The following XRN1 variants were observed in gnomAD, a reference collection of about 807,000 sequenced individuals.
XRN1 encodes 5'-3' exoribonuclease 1.
A neutral mutation model predicts 222.3 loss-of-function variants in XRN1; 67 were observed. The ratio of observed to expected loss-of-function variants is 0.30; its 90% CI spans 0.25 to 0.37. XRN1 has a LOEUF of 0.37. Ranked by LOEUF, XRN1 falls within the 10% of genes least tolerant of loss-of-function variation. The probability of loss-of-function intolerance (pLI) is 1.00; values close to 1 mark genes in which losing one functional copy is unlikely to be tolerated. For missense variants in XRN1, 1,707 were observed against 2,000.2 expected, an observed-to-expected ratio of 0.85 and a Z score of 2.80; for synonymous variants, 643 against 652.4, an observed-to-expected ratio of 0.99 and a Z score of 0.22.
In XRN1 at chr3:142,447,489, GGAACCTACGAGGA is replaced by G. The variant is rs2070570778; in HGVS notation, c.75+368_75+380del. 1.3e-5 allele frequency among the ~76,000 whole-genome samples: 2 copies of G among 152,174 alleles called. No homozygotes were observed. The highest frequency in any genetic ancestry group is 4.8e-5 in the African/African-American group (2 of 41,448). ...GGTCTGCCGCTCTGGGTGGGATGGG[GGAACCTACGAGGA>G]CACCCACTCCAGCTTCGCAGCCTCT... On this transcript the variant is annotated intron_variant, in intron 1 of 40. Coordinates refer to ENST00000392981, the MANE Select transcript of XRN1 (RefSeq NM_001282857.2). The surrounding 1 kb of genome is among the most constrained non-coding windows in gnomAD (Gnocchi z 4.2).
chr3:142,436,744 TATC>T (rs1369764132), intron 1 of XRN1, among the ~76,000 whole-genome samples: 7 of 152,178 alleles, frequency 4.6e-5, no homozygotes, highest in Admixed American at 4.6e-4. Context: ...GCATAATATA[TATC>T]ATCAAGTGAC....
Position 142,360,597 on chromosome 3 carries a change from G to A in XRN1, c.3395-666C>T, listed in dbSNP as rs573151627. The stretch of plus-strand genomic sequence containing the variant: ...CAGTCTTACTGGGCTGGGTGCAGTG[G>A]CTCACGCCTGTAATCCCAGCACTTT... On this transcript the variant is annotated intron_variant, in intron 29 of 40. Coordinates refer to ENST00000392981, the MANE Select transcript of XRN1 (RefSeq NM_001282857.2). 2.0e-5 allele frequency among the ~76,000 whole-genome samples: 3 copies of A among 152,092 alleles called. No individual in the cohort carries two copies. In the South Asian group the frequency reaches 6.2e-4, roughly 32 times the overall value.
chr3:142,377,551 T>G (rs897509169), intron 23 of XRN1, among the ~76,000 whole-genome samples: 1 of 152,196 alleles, frequency 6.6e-6, no homozygotes, highest in Admixed American at 6.5e-5. Flanking sequence ...AGATGCCAAC[T>G]GTCCTGCCAT....
intron 20 of XRN1, among the ~76,000 whole-genome samples, chr3:142,391,996 T>C (rs1039195212): frequency 1.3e-5 from 2 of 152,042 alleles, no homozygotes; most frequent in Non-Finnish European, 2.9e-5. Context: ...AGTACTTCCT[T>C]GCCCCCTTTT....
At chr3:142,423,505 G>T in intron 6 of XRN1, 55 bp downstream of exon 6, 1 of 1,408,546 alleles carries the variant, frequency 7.1e-7, no homozygotes. Flanking sequence ...ATCTGTTAAA[G>T]AATTACTATC....
intron 15 of XRN1, among the ~76,000 whole-genome samples, chr3:142,411,294 A>G (rs189305322): frequency 2.5e-4 from 38 of 152,250 alleles, no homozygotes; most frequent in East Asian, 2.3e-3. Context: ...TCAAAGAACC[A>G]ACTTTTGATG....
At chr3:142,343,085 T>A (rs943741360) in intron 33 of XRN1, among the ~76,000 whole-genome samples, 1 of 151,802 alleles carries the variant, frequency 6.6e-6, no homozygotes, top group African/African-American at 2.4e-5. Flanking sequence ...AGGAAAAAAA[T>A]CTCATAATCT....
chr3:142,384,651 T>C lies in XRN1; in HGVS notation c.2374A>G (p.Thr792Ala). 6.2e-7 allele frequency: 1 copy of C among 1,601,014 alleles called. No individual in the cohort carries two copies. The highest frequency in any genetic ancestry group is 1.3e-5 in the African/African-American group (1 of 74,390). ...AACTGAGCATACACAACTGCAGATGTTTCATTTATTATTATTCCTTTTCTT... is the reference window on the plus strand; with the variant it reads ...AACTGAGCATACACAACTGCAGATGCTTCATTTATTATTATTCCTTTTCTT... ...LRRKGIIINETSAVVYAQLLT... is the reference protein window; with the variant it reads ...LRRKGIIINEASAVVYAQLLT... Residue 792 changes from threonine to alanine, a missense_variant, in exon 21 of 41, where the codon ACA becomes GCA. Around this residue, in one of 2 missense-constraint regions of XRN1, gnomAD observed 1,234 missense variants for 1,518.2 expected, o/e 0.81. Coordinates refer to ENST00000392981, the MANE Select transcript of XRN1 (RefSeq NM_001282857.2).
chr3:142,360,245 T>C lies in XRN1; in HGVS notation c.3395-314A>G, dbSNP rs113787161. Among the ~76,000 whole-genome samples, 5 of 152,332 alleles carry C rather than the reference T, an allele frequency of 3.3e-5. 1 individual carries two copies. The highest frequency in any genetic ancestry group is 1.2e-4 in the African/African-American group (5 of 41,580). Reference sequence around the variant, plus strand: ...ATATGTATCTATGAATAATACATAGTATTGTTTTGCAAGTTTTGAAACATA... The same window carrying C: ...ATATGTATCTATGAATAATACATAGCATTGTTTTGCAAGTTTTGAAACATA... On this transcript the variant is annotated intron_variant, in intron 29 of 40. Coordinates refer to ENST00000392981, the MANE Select transcript of XRN1 (RefSeq NM_001282857.2).
chr3:142,415,642 T>C (rs1204313624), intron 13 of XRN1, among the ~76,000 whole-genome samples: 2 of 152,214 alleles, frequency 1.3e-5, no homozygotes, highest in Non-Finnish European at 2.9e-5. Flanking sequence ...CTTCATGAGA[T>C]TGCTCCTCAG....
chr3:142,312,823 G>T, intron 39 of XRN1, 65 bp from the exon 40 acceptor site: 2 of 1,505,158 alleles, frequency 1.3e-6, no homozygotes, highest in South Asian at 2.6e-5. Flanking sequence ...TGAAATTTGA[G>T]ACCTCCTTCT....
Position 142,383,433 on chromosome 3 carries a change from A to G in XRN1, c.2503-20T>C, listed in dbSNP as rs1273977347. The G allele has an allele frequency of 6.3e-7, 1 of 1,582,104 alleles. No individual in the cohort carries two copies. The highest frequency in any genetic ancestry group is 8.7e-7 in the Non-Finnish European group (1 of 1,155,430). On this transcript the variant is annotated intron_variant, in intron 21 of 40. Coordinates refer to ENST00000392981, the MANE Select transcript of XRN1 (RefSeq NM_001282857.2). Reference sequence around the variant, plus strand: ...GATGTCCTACATAAAATAAAAGTAAATAATCTTAGTCATAATTTCTATAGA... The same window carrying G: ...GATGTCCTACATAAAATAAAAGTAAGTAATCTTAGTCATAATTTCTATAGA...
chr3:142,372,869 A>C lies in XRN1; in HGVS notation c.2979-1541T>G, dbSNP rs190532961. ...GTGGAGGCCACCTCTCCGGGAAAGA[A>C]AAGATAAACATGCAGGTAGTGATAC... On this transcript the variant is annotated intron_variant, in intron 25 of 40. Coordinates refer to ENST00000392981, the MANE Select transcript of XRN1 (RefSeq NM_001282857.2). Among the ~76,000 whole-genome samples the C allele has an allele frequency of 1.2e-3, 184 of 152,334 alleles. 2 individuals are homozygous for C. The highest frequency in any genetic ancestry group is 4.3e-3 in the African/African-American group (177 of 41,590).
intron 27 of XRN1, among the ~76,000 whole-genome samples, chr3:142,368,581 T>C (rs961720730): frequency 1.3e-5 from 2 of 152,196 alleles, no homozygotes; most frequent in African/African-American, 2.4e-5. Flanking sequence ...TGGGTTAAAA[T>C]TGGGGGGCTT....
chr3:142,433,875 G>A (rs1278120277), intron 1 of XRN1, among the ~76,000 whole-genome samples: 1 of 152,158 alleles, frequency 6.6e-6, no homozygotes, highest in African/African-American at 2.4e-5. Context: ...TGAGAAAATG[G>A]CATGCCTTTG....
At chr3:142,313,413 GA>G in intron 39 of XRN1, among the ~76,000 whole-genome samples, 1 of 152,274 alleles carries the variant, frequency 6.6e-6, no homozygotes, top group African/African-American at 2.4e-5. Context: ...GCCAGACTCT[GA>G]GGGGCCCTGG....
At chr3:142,410,844 G>A (rs936294773) in intron 15 of XRN1, among the ~76,000 whole-genome samples, 1 of 152,026 alleles carries the variant, frequency 6.6e-6, no homozygotes, top group Admixed American at 6.6e-5. Context: ...AGGAGTATCA[G>A]TCAGTAATTT....
Position 142,318,797 on chromosome 3 carries a change from T to C in XRN1, c.4511A>G (p.Gln1504Arg). The change falls in exon 38 of 41, where the codon CAA becomes CGA. Residue 1504 changes from glutamine (Q) to arginine (R), a missense_variant. By Grantham distance (43) the Gln-to-Arg change is conservative. Coordinates refer to ENST00000392981, the MANE Select transcript of XRN1 (RefSeq NM_001282857.2). ...AKEKAALFAL[Q>R]QLGSLGMNFP... is the part of the protein sequence containing the mutation. ...GTCATGGACAGTTCTTACCAACTGT[T>C]GTAAAGCAAAAAGTGCAGCTTTCTC... 3.1e-6 allele frequency: 5 copies of C among 1,613,930 alleles called. No homozygotes were observed. Among genetic ancestry groups the C allele is most frequent in the Non-Finnish European group, 4.2e-6 (5 of 1,179,886 alleles).
chr3:142,386,271 A>T (rs189612936), intron 20 of XRN1, among the ~76,000 whole-genome samples: 26 of 152,168 alleles, frequency 1.7e-4, no homozygotes, highest in Non-Finnish European at 3.2e-4. Flanking sequence ...GTAGATGCAA[A>T]AATCTTAAAA....
Sources: gnomAD v4.1 joint callset for allele counts (sites outside exome capture counted in the v4.1 genomes callset) on GRCh38, gnomAD v4.1.1 for gene constraint, gnomAD v4.1.1 regional missense constraint, Gnocchi (gnomAD v3.1) non-coding constraint, MANE v1.5 for transcripts, NCBI Gene and HGNC (gene_info 2026-07-23, HGNC 2026-07-21) for gene names.